DAB1: variants seen among roughly 807,000 people sequenced by gnomAD.
The protein encoded by DAB1 is disabled homolog 1.
Under a neutral mutation model 64.6 loss-of-function variants are expected in DAB1, and 15 were observed. That is an observed-to-expected ratio of 0.23 (90% CI 0.16 to 0.36). DAB1 has a LOEUF of 0.36. Among genes scored for constraint, DAB1 ranks in the 10% least tolerant of loss-of-function variants. The probability of loss-of-function intolerance (pLI) is 1.00; values close to 1 mark genes in which losing one functional copy is unlikely to be tolerated. For missense variants in DAB1, 596 were observed against 706.7 expected, an observed-to-expected ratio of 0.84 and a Z score of 1.78; for synonymous variants, 235 against 251.9, an observed-to-expected ratio of 0.93 and a Z score of 0.64.
intron 2 of DAB1, among the ~76,000 whole-genome samples, chr1:57,196,972 A>G (rs1466756476): frequency 6.6e-6 from 1 of 152,236 alleles, no homozygotes; most frequent in Non-Finnish European, 1.5e-5. Context: ...TTTGATCCAC[A>G]CAGCAAACCT....
chr1:57,834,428 C>T (rs765705971), intron 1 of DAB1, among the ~76,000 whole-genome samples: 2 of 152,090 alleles, frequency 1.3e-5, no homozygotes, highest in Non-Finnish European at 2.9e-5. Context: ...GGAATAGATA[C>T]ATATTTCCTT....
chr1:57,248,273 C>G (rs1037408680), intron 2 of DAB1, among the ~76,000 whole-genome samples: 1 of 151,274 alleles, frequency 6.6e-6, no homozygotes, highest in African/African-American at 2.4e-5. Context: ...TAAAAAAATA[C>G]TTTCAATCCA....
intron 4 of DAB1, among the ~76,000 whole-genome samples, chr1:58,189,376 T>G (rs1431180636): frequency 6.6e-6 from 1 of 152,224 alleles, no homozygotes; most frequent in Non-Finnish European, 1.5e-5. Context: ...TAAATGTCAT[T>G]CTATTAATTT....
chr1:58,477,916 A>T (rs1353037533), intron 3 of DAB1, among the ~76,000 whole-genome samples: 2 of 152,042 alleles, frequency 1.3e-5, no homozygotes. Context: ...AACTTCCATT[A>T]CCCCTCTAAA....
intron 6 of DAB1, among the ~76,000 whole-genome samples, chr1:57,770,539 C>G (rs944494182): frequency 6.6e-6 from 1 of 152,114 alleles, no homozygotes; most frequent in Non-Finnish European, 1.5e-5. Context: ...CAGGCATGAG[C>G]CTTCATGCCT....
chr1:57,463,760 C>CTCATTCAT (rs145640736), intron 7 of DAB1, among the ~76,000 whole-genome samples: 4 of 152,124 alleles, frequency 2.6e-5, no homozygotes, highest in African/African-American at 4.8e-5. Flanking sequence ...TGCTCTTCTG[C>CTCATTCAT]TCATTCATTC....
chr1:57,850,095 C>T (rs1298159222), intron 1 of DAB1, among the ~76,000 whole-genome samples: 1 of 152,150 alleles, frequency 6.6e-6, no homozygotes, highest in Non-Finnish European at 1.5e-5. Context: ...GAGACAGTGC[C>T]TCTGGACAGT....
At chr1:57,338,249 T>G (rs1207325119) in intron 1 of DAB1, among the ~76,000 whole-genome samples, 1 of 152,038 alleles carries the variant, frequency 6.6e-6, no homozygotes, top group East Asian at 1.9e-4. Context: ...CCACCCAAAG[T>G]GCTGGGATGA....
intron 1 of DAB1, among the ~76,000 whole-genome samples, chr1:57,340,097 C>T (rs1440133526): frequency 6.6e-6 from 1 of 152,036 alleles, no homozygotes; most frequent in East Asian, 1.9e-4. Context: ...TTCAAGTTAC[C>T]CCAACTAGAA....
intron 2 of DAB1, among the ~76,000 whole-genome samples, chr1:57,238,656 C>G (rs931231132): frequency 1.3e-5 from 2 of 152,106 alleles, no homozygotes; most frequent in African/African-American, 4.8e-5. Context: ...TCAGATTAAG[C>G]CCTAGTTAAT....
intron 4 of DAB1, among the ~76,000 whole-genome samples, chr1:58,176,383 C>T (rs1656475796): frequency 1.3e-5 from 2 of 152,038 alleles, no homozygotes; most frequent in Admixed American, 1.3e-4. Flanking sequence ...ATATGTAAAA[C>T]ATTATTAAAA....
intron 12 of DAB1, among the ~76,000 whole-genome samples, chr1:57,013,101 C>CTT (rs1646314412): frequency 6.6e-6 from 1 of 152,252 alleles, no homozygotes; most frequent in Non-Finnish European, 1.5e-5. Flanking sequence ...TGCTGCTAAA[C>CTT]ATCCTACAAT....
intron 7 of DAB1, among the ~76,000 whole-genome samples, chr1:57,578,984 C>G (rs1029980889): frequency 6.6e-6 from 1 of 152,172 alleles, no homozygotes; most frequent in Admixed American, 6.5e-5. Context: ...GCTCCAGCTA[C>G]TTTGGATGAA....
rs530169149 is a variant in DAB1 at position 57,851,205 on chromosome 1, G to A, written n.88-24750C>T. Among the ~76,000 whole-genome samples the A allele has an allele frequency of 7.9e-5, 12 of 152,310 alleles. No individual in the cohort carries two copies. In the South Asian group the frequency reaches 2.5e-3, roughly 32 times the overall value. ...AGTTACAAAGACCACATGTGTATTT[G>A]CATAGGATTTGCATATATCTACATA... On this transcript the variant is annotated intron_variant and non_coding_transcript_variant, in intron 1 of 1. Coordinates refer to the DAB1 transcript ENST00000477280.
intron 7 of DAB1, among the ~76,000 whole-genome samples, chr1:57,434,457 T>C (rs918339584): frequency 2.6e-5 from 4 of 152,156 alleles, no homozygotes; most frequent in African/African-American, 4.8e-5. Context: ...CAAGTGAAAG[T>C]TGGAATATTA....
chr1:57,326,833 TC>T (rs1292040528), intron 1 of DAB1, among the ~76,000 whole-genome samples: 1 of 152,124 alleles, frequency 6.6e-6, no homozygotes, highest in Non-Finnish European at 1.5e-5. Context: ...TGTCCCTGCC[TC>T]CAAATACCAT....
chr1:58,500,938 A>C (rs990311585), intron 3 of DAB1, among the ~76,000 whole-genome samples: 5 of 152,226 alleles, frequency 3.3e-5, no homozygotes, highest in African/African-American at 1.2e-4. Flanking sequence ...TTTCAACGAC[A>C]AATTATAATA....
chr1:57,193,976 A>G (rs688437), intron 2 of DAB1, among the ~76,000 whole-genome samples: 21 of 152,210 alleles, frequency 1.4e-4, no homozygotes, highest in African/African-American at 4.6e-4. Flanking sequence ...TTATCCTGTG[A>G]TAGGAAGGAC....
At chr1:58,282,377 C>G (rs530439184) in intron 4 of DAB1, among the ~76,000 whole-genome samples, 1 of 152,342 alleles carries the variant, frequency 6.6e-6, no homozygotes, top group South Asian at 2.1e-4. Context: ...ACTCACTACC[C>G]TATCCACTCT....
Sources: gnomAD v4.1 joint callset for allele counts (sites outside exome capture counted in the v4.1 genomes callset) on GRCh38, gnomAD v4.1.1 for gene constraint, MANE v1.5 for transcripts, NCBI Gene and HGNC (gene_info 2026-07-23, HGNC 2026-07-21) for gene names.